Variants in REPS1 observed in about 807,000 individuals in gnomAD.
REPS1 encodes the protein ralBP1-associated Eps domain-containing protein 1.
In REPS1, 39 loss-of-function variants were observed where a neutral mutation model predicts 100.9. The observed-to-expected ratio is 0.39, with a 90% confidence interval of 0.30 to 0.50. The LOEUF is 0.50. Ranked by LOEUF, REPS1 falls within the 20% of genes least tolerant of loss-of-function variation. REPS1 has a pLI of 0.86. For synonymous variants in REPS1, 324 were observed against 340.3 expected (o/e 0.95, Z 0.53); for missense variants, 821 against 968.5 (o/e 0.85, Z 2.02).
At chr6:138,942,095 T>C (rs1256065036) in intron 7 of REPS1, among the ~76,000 whole-genome samples, 1 of 152,128 alleles carries the variant, frequency 6.6e-6, no homozygotes, top group Non-Finnish European at 1.5e-5. Context: ...TCCACCTGCC[T>C]TGGGCTCCCA....
At position 138,980,609 on chromosome 6, in the gene REPS1, C is replaced by G. The variant is rs1417819589; in HGVS notation, c.153+6921G>C. The stretch of plus-strand genomic sequence containing the variant: ...TTACACCTAAGTAGGTCCCCACTAC[C>G]TCCTCTGATTCTACCACCCAATGAT... On this transcript the variant is annotated intron_variant, in intron 1 of 19. Transcript: ENST00000450536. Among the ~76,000 whole-genome samples, 3 of 150,444 alleles carry G rather than the reference C, an allele frequency of 2.0e-5. No individual in the cohort carries two copies. The Admixed American group carries it at 2.0e-4, about 10-fold the overall frequency.
intron 1 of REPS1, among the ~76,000 whole-genome samples, chr6:138,973,012 G>A (rs141818948): frequency 1.3e-5 from 2 of 152,272 alleles, no homozygotes; most frequent in East Asian, 3.9e-4. Context: ...TGCCTAACAG[G>A]AACAAAGTGA....
At chr6:138,916,172 G>T in intron 13 of REPS1, 196 bp from the exon 14 acceptor site, 7 of 486,756 alleles carry the variant, frequency 1.4e-5, no homozygotes, top group South Asian at 3.1e-5. Context: ...ATTTTATGTG[G>T]CTAACAATTT....
intron 10 of REPS1, among the ~76,000 whole-genome samples, chr6:138,923,280 G>T (rs932764183): frequency 6.6e-6 from 1 of 151,876 alleles, no homozygotes; most frequent in Non-Finnish European, 1.5e-5. Flanking sequence ...TAACTGTTAA[G>T]AAAATCAGAA....
chr6:138,987,472 C>T lies in REPS1; in HGVS notation c.153+58G>A, dbSNP rs1423040667. 4.8e-6 allele frequency: 7 copies of T among 1,452,334 alleles called. No individual in the cohort carries two copies. The East Asian group carries it at 1.1e-4, about 23-fold the overall frequency. The allele number at this position is 1,452,334 out of a possible 1,614,324, so 90.0% of individuals were successfully genotyped here. A position where few individuals can be genotyped will look rare whatever the true frequency, so the allele number is the denominator to read the frequency against. ...CAAGGAATCGGCGCCCACTCCCACT[C>T]CTGGAGGCCAGTGACTGCAGGCCTA... On this transcript the variant is annotated intron_variant, in intron 1 of 19. Coordinates refer to ENST00000450536, the MANE Select transcript of REPS1 (RefSeq NM_001286611.2).
intron 1 of REPS1, among the ~76,000 whole-genome samples, chr6:138,963,284 G>A (rs1783840724): frequency 6.6e-6 from 1 of 152,066 alleles, no homozygotes; most frequent in South Asian, 2.1e-4. Flanking sequence ...TTTACCATTT[G>A]AGTTACTAGT....
chr6:138,920,176 T>G (rs1321230315), intron 12 of REPS1, 39 bp downstream of exon 12: 2 of 1,061,824 alleles, frequency 1.9e-6, no homozygotes, highest in East Asian at 4.7e-5. Context: ...AAATCCAGAC[T>G]TAGTAAACTT....
rs1294010536 is a variant in REPS1, at chr6:138,945,640, TG to T, written c.334del (p.His112MetfsTer18). ...VASKNEQESR[H>X]AASYSSDSEN... Reference sequence around the variant, plus strand: ...AGAATCTGAAGAATATGAGGCTGCATGGCGAGATTCCTGTTCATTCTTTGAA... The same window carrying T: ...AGAATCTGAAGAATATGAGGCTGCATGCGAGATTCCTGTTCATTCTTTGAA... On this transcript the variant is annotated frameshift_variant, in exon 3 of 20. Transcript: ENST00000450536. LOFTEE classifies it high-confidence loss of function. 6.2e-7 allele frequency: 1 copy of T among 1,613,342 alleles called. No homozygotes were observed. Among genetic ancestry groups the T allele is most frequent in the Non-Finnish European group, 8.5e-7 (1 of 1,179,716 alleles).
chr6:138,987,757 G>A lies in REPS1; in HGVS notation c.-75C>T. ...CCGGCCCCAGGAACCTGGGCCGGCA[G>A]GGGCTGCGCGTGGCCCGGCCTCCTG... On this transcript the variant is annotated 5_prime_UTR_variant, in exon 1 of 20. Transcript: ENST00000450536. 7.1e-7 allele frequency: 1 copy of A among 1,409,562 alleles called. No individual in the cohort carries two copies. Among genetic ancestry groups the A allele is most frequent in the Non-Finnish European group, 9.3e-7 (1 of 1,079,738 alleles). 87.3% of individuals were successfully genotyped at this position (1,409,562 alleles called of 1,614,324 possible).
intron 1 of REPS1, among the ~76,000 whole-genome samples, chr6:138,977,260 A>C (rs1369199011): frequency 6.6e-6 from 1 of 152,098 alleles, no homozygotes; most frequent in East Asian, 1.9e-4. Context: ...CTATATCTCT[A>C]TAGATTTGCT....
At chr6:138,931,461 T>C (rs180754474) in intron 8 of REPS1, among the ~76,000 whole-genome samples, 6 of 152,312 alleles carry the variant, frequency 3.9e-5, no homozygotes, top group East Asian at 1.9e-4. Flanking sequence ...TATTGTTACA[T>C]GCCTCCCTCA....
At chr6:138,910,318 GCTTT>G (rs1343905685) in intron 17 of REPS1, among the ~76,000 whole-genome samples, 1 of 152,148 alleles carries the variant, frequency 6.6e-6, no homozygotes, top group Non-Finnish European at 1.5e-5. Context: ...CTGGTACCAT[GCTTT>G]CTGTACAGCA....
intron 1 of REPS1, among the ~76,000 whole-genome samples, chr6:138,951,497 T>A (rs942787232): frequency 6.6e-6 from 1 of 152,200 alleles, no homozygotes; most frequent in East Asian, 1.9e-4. Context: ...CTTTTTCAAA[T>A]AATATTTATA....
chr6:138,978,661 A>T (rs1366462369), intron 1 of REPS1, among the ~76,000 whole-genome samples: 1 of 152,038 alleles, frequency 6.6e-6, no homozygotes, highest in Non-Finnish European at 1.5e-5. Context: ...TCTTAAGTTT[A>T]TTCCCAAGTA....
chr6:138,974,153 T>A (rs1477678503), intron 1 of REPS1, among the ~76,000 whole-genome samples: 1 of 151,958 alleles, frequency 6.6e-6, no homozygotes, highest in Non-Finnish European at 1.5e-5. Flanking sequence ...TGAAAAAAAA[T>A]TCTGAATATA....
rs377712521 is a variant in REPS1, at chr6:138,935,813, C to T, written c.1135+5522G>A. Among the ~76,000 whole-genome samples the T allele has an allele frequency of 3.3e-4, 44 of 131,594 alleles. 1 individual carries two copies. Among genetic ancestry groups the T allele is most frequent in the Middle Eastern group, 4.7e-3 (1 of 214 alleles). 86.3% of individuals were successfully genotyped at this position (131,594 alleles called of 152,430 possible). The stretch of plus-strand genomic sequence containing the variant: ...AGGTTGCAGTGAGCCAAGATCACAC[C>T]GCAGCACTCCAGCCTGGGCAACAGA... On this transcript the variant is annotated intron_variant, in intron 8 of 19. Transcript: ENST00000450536.
intron 1 of REPS1, among the ~76,000 whole-genome samples, chr6:138,954,327 T>C (rs1219203406): frequency 6.6e-6 from 1 of 152,178 alleles, no homozygotes; most frequent in South Asian, 2.1e-4. Context: ...TGAATGCTCC[T>C]AACACAAAGA....
At chr6:138,917,652 TAATAATA>T in intron 12 of REPS1, 25 bp from the exon 13 acceptor site, 1 of 1,575,454 alleles carries the variant, frequency 6.3e-7, no homozygotes, top group Non-Finnish European at 8.7e-7. Flanking sequence ...ATGTCCTATT[TAATAATA>T]ATCATTTCTT....
intron 1 of REPS1, among the ~76,000 whole-genome samples, chr6:138,970,459 A>AG (rs1158321114): frequency 1.4e-5 from 2 of 147,954 alleles, no homozygotes; most frequent in Non-Finnish European, 3.0e-5. Context: ...GAATATCTTA[A>AG]AAAAAAAAAA....
Sources: gnomAD v4.1 joint callset for allele counts (sites outside exome capture counted in the v4.1 genomes callset) on GRCh38, gnomAD v4.1.1 for gene constraint, MANE v1.5 for transcripts, NCBI Gene and HGNC (gene_info 2026-07-23, HGNC 2026-07-21) for gene names.